ARHGAP21: variants seen among roughly 807,000 people sequenced by gnomAD.
The protein encoded by ARHGAP21 is Rho GTPase activating protein 21.
A neutral mutation model predicts 164.6 loss-of-function variants in ARHGAP21; 38 were observed. That is an observed-to-expected ratio of 0.23 (90% confidence interval 0.18 to 0.30). The LOEUF is 0.30. Among genes scored for constraint, ARHGAP21 ranks in the 10% least tolerant of loss-of-function variants. The pLI is 1.00. For synonymous variants in ARHGAP21, 766 were observed against 857.9 expected (o/e 0.89, Z 1.87); for missense variants, 1,822 against 2,370.7 (o/e 0.77, Z 4.81).
chr10:24,720,267 A>AAT (rs1845797287), intron 2 of ARHGAP21, among the ~76,000 whole-genome samples: 1 of 151,958 alleles, frequency 6.6e-6, no homozygotes, highest in African/African-American at 2.4e-5. Flanking sequence ...AAAAAAAAAA[A>AAT]AAAATCAAAT....
intron 4 of ARHGAP21, among the ~76,000 whole-genome samples, chr10:24,663,804 C>T (rs569555720): frequency 6.6e-6 from 1 of 152,326 alleles, no homozygotes; most frequent in South Asian, 2.1e-4. Flanking sequence ...GCTGGGGTTA[C>T]AGGCGTGAGC....
At chr10:24,624,268 G>A (rs1834855427) in intron 7 of ARHGAP21, among the ~76,000 whole-genome samples, 1 of 151,062 alleles carries the variant, frequency 6.6e-6, no homozygotes, top group Non-Finnish European at 1.5e-5. Flanking sequence ...TACTCGCCAG[G>A]GAACCCATTT....
intron 11 of ARHGAP21, among the ~76,000 whole-genome samples, chr10:24,606,373 T>C (rs900183624): frequency 1.3e-5 from 2 of 152,038 alleles, no homozygotes; most frequent in African/African-American, 4.8e-5. Flanking sequence ...AGTCAAAAAA[T>C]ATAAAAAATC....
At chr10:24,592,138 A>G (rs2076356175) in intron 21 of ARHGAP21, 126 bp from the exon 22 acceptor site, 5 of 955,342 alleles carry the variant, frequency 5.2e-6, no homozygotes, top group Non-Finnish European at 5.8e-6. Flanking sequence ...GATTAAAAAA[A>G]TAATGCTTTC....
At chr10:24,685,226 G>A (rs1181999446) in intron 2 of ARHGAP21, among the ~76,000 whole-genome samples, 1 of 152,078 alleles carries the variant, frequency 6.6e-6, no homozygotes, top group East Asian at 1.9e-4. Flanking sequence ...AAGGCAGAAA[G>A]AGCCAAATGA....
At chr10:24,723,440 A>G (rs1234493304) in intron 1 of ARHGAP21, 122 bp downstream of exon 1, 1 of 144,644 alleles carries the variant, frequency 6.9e-6, no homozygotes, top group Non-Finnish European at 1.5e-5. Flanking sequence ...TCCGGCCCCG[A>G]GCCAGCGCCC....
intron 4 of ARHGAP21, among the ~76,000 whole-genome samples, chr10:24,656,166 G>C (rs921543220): frequency 7.0e-6 from 1 of 143,042 alleles, no homozygotes; most frequent in Non-Finnish European, 1.5e-5. Flanking sequence ...GGGAGGTGGG[G>C]GGGGTCAGCC....
chr10:24,607,939 C>A (rs1171718282), intron 9 of ARHGAP21, 36 bp from the exon 10 acceptor site: 3 of 1,546,460 alleles, frequency 1.9e-6, no homozygotes, highest in Non-Finnish European at 2.6e-6. Flanking sequence ...TGTTCAATGA[C>A]CTAATTGTTA....
rs754501888 is a variant in ARHGAP21 at position 24,585,618 on chromosome 10, G to A, written c.4671C>T (p.Ser1557=). 10 of 1,614,048 alleles carry A rather than the reference G, an allele frequency of 6.2e-6. No homozygotes were observed. In the Admixed American group the frequency reaches 1.3e-4, roughly 22 times the overall value. Residue 1557 remains serine, a synonymous_variant, in exon 26 of 26, where the codon TCC becomes TCT. Transcript: ENST00000396432. ...GTLLSTSSQA[S]LARFSMKKST... ...ATTTCTTCATGGAAAACCTTGCCAG[G>A]GAGGCCTGGGAAGACGTGCTGAGCA...
intron 4 of ARHGAP21, among the ~76,000 whole-genome samples, chr10:24,659,535 G>A (rs1440276252): frequency 6.6e-6 from 1 of 152,056 alleles, no homozygotes; most frequent in Admixed American, 6.5e-5. Flanking sequence ...GGCTGGTCTC[G>A]AACTCCCAAC....
At chr10:24,672,408 A>G (rs1002039380) in intron 2 of ARHGAP21, among the ~76,000 whole-genome samples, 1 of 152,152 alleles carries the variant, frequency 6.6e-6, no homozygotes, top group Non-Finnish European at 1.5e-5. Flanking sequence ...AAGTTCCTGA[A>G]CCTGGAGGTA....
At chr10:24,615,750 G>A (rs1486954596) in intron 9 of ARHGAP21, among the ~76,000 whole-genome samples, 9 of 148,832 alleles carry the variant, frequency 6.0e-5, no homozygotes, top group Non-Finnish European at 1.3e-4. Context: ...TATAAAGCAC[G>A]GCATAAGTTT....
chr10:24,721,795 G>T, intron 2 of ARHGAP21, 42 bp downstream of exon 2: 1 of 1,609,254 alleles, frequency 6.2e-7, no homozygotes, highest in South Asian at 1.1e-5. Flanking sequence ...TCAAGACACA[G>T]GCCACCGCCC....
chr10:24,618,465 G>C (rs1413924926), intron 9 of ARHGAP21, among the ~76,000 whole-genome samples: 1 of 152,200 alleles, frequency 6.6e-6, no homozygotes, highest in African/African-American at 2.4e-5. Flanking sequence ...GTCCGTTTCT[G>C]TGTCTGTGCG....
chr10:24,692,692 A>T (rs2132031125), intron 2 of ARHGAP21, among the ~76,000 whole-genome samples: 1 of 152,224 alleles, frequency 6.6e-6, no homozygotes, highest in East Asian at 1.9e-4. Flanking sequence ...AGTAGCTGGG[A>T]GTGGTGGCAG....
chr10:24,588,873 G>T (rs555241011), intron 25 of ARHGAP21, among the ~76,000 whole-genome samples: 39 of 152,304 alleles, frequency 2.6e-4, no homozygotes, highest in African/African-American at 8.7e-4. Flanking sequence ...TTTGTGTAAA[G>T]ATGGTCCTAG....
chr10:24,717,228 G>C (rs996626865), intron 2 of ARHGAP21, among the ~76,000 whole-genome samples: 1 of 152,204 alleles, frequency 6.6e-6, no homozygotes, highest in Non-Finnish European at 1.5e-5. Flanking sequence ...AACGAGGAAG[G>C]AAGATAATCA....
intron 4 of ARHGAP21, among the ~76,000 whole-genome samples, chr10:24,665,835 A>G (rs1593223662): frequency 6.6e-6 from 1 of 152,242 alleles, no homozygotes. Context: ...ATAACTGATC[A>G]GTACTAGTAA....
intron 9 of ARHGAP21, among the ~76,000 whole-genome samples, chr10:24,615,121 C>T (rs900368099): frequency 1.3e-5 from 2 of 152,016 alleles, no homozygotes; most frequent in Non-Finnish European, 2.9e-5. Context: ...ACCCGGGAGG[C>T]GGAGGTTGCA....
Sources: allele counts gnomAD v4.1 joint callset (sites outside exome capture counted in the v4.1 genomes callset), GRCh38; gene constraint gnomAD v4.1.1; transcripts MANE v1.5; gene names NCBI Gene and HGNC (gene_info 2026-07-23, HGNC 2026-07-21).